Variants in ZNF469 observed in about 807,000 individuals in gnomAD.
The protein encoded by ZNF469 is zinc finger protein 469.
Under a neutral mutation model 1.0 loss-of-function variants are expected in ZNF469, and 1 was observed. The observed-to-expected ratio is 1.00, with a 90% CI of 0.35 to 4.73. ZNF469 has a LOEUF of 4.73. Among genes scored for constraint, ZNF469 ranks in the 30% most tolerant of loss-of-function variants. The pLI is 0.16. For missense variants in ZNF469, 6,100 were observed against 5,356.3 expected (o/e 1.14, Z -4.33); for synonymous variants, 2,703 against 2,363.4 (o/e 1.14, Z -4.17).
chr16:88,142,570 T>G, the ZNF469 span, among the ~76,000 whole-genome samples: 4 of 152,300 alleles, frequency 2.6e-5, no homozygotes, highest in Non-Finnish European at 5.9e-5. Flanking sequence ...AGCGTGAGCC[T>G]CAAGTCTCAG....
chr16:88,281,508 C>T, the ZNF469 span, among the ~76,000 whole-genome samples: 2 of 146,326 alleles, frequency 1.4e-5, no homozygotes, highest in Non-Finnish European at 3.0e-5. Context: ...AATGCTGGGC[C>T]ATGCTGACGC....
At chr16:88,408,471 C>T (rs1002101952) in intron 1 of ZNF469, among the ~76,000 whole-genome samples, 1 of 152,178 alleles carries the variant, frequency 6.6e-6, no homozygotes, top group African/African-American at 2.4e-5. Context: ...CTTTCTGGAA[C>T]AAAGGGAGGG....
the ZNF469 span, among the ~76,000 whole-genome samples, chr16:88,124,845 A>C: frequency 6.6e-6 from 1 of 152,190 alleles, no homozygotes; most frequent in South Asian, 2.1e-4. Flanking sequence ...CAGTGTTCCA[A>C]AGTGCTGGGA....
chr16:88,415,494 C>G lies in ZNF469; in HGVS notation c.-191-9313C>G, dbSNP rs118024928. 4.9e-3 allele frequency among the ~76,000 whole-genome samples: 742 copies of G among 152,348 alleles called. 3 individuals are homozygous for G. Among genetic ancestry groups the G allele is most frequent in the South Asian group, 0.011 (51 of 4,828 alleles). On this transcript the variant is annotated intron_variant, in intron 1 of 2. Coordinates refer to ENST00000565624, the MANE Select transcript of ZNF469 (RefSeq NM_001367624.2). ...GTGCTGTGCCCATTTTACAGCTGAA[C>G]ACACTGAGACTGAGCCCCCAGCCTG...
the ZNF469 span, among the ~76,000 whole-genome samples, chr16:88,222,060 C>T: frequency 6.6e-6 from 1 of 152,134 alleles, no homozygotes; most frequent in Non-Finnish European, 1.5e-5. Flanking sequence ...CACACTCTCA[C>T]ACTTTCTGAG....
At position 88,430,948 on chromosome 16, in the gene ZNF469, G is replaced by T. The variant is rs1011775158; in HGVS notation, c.3478G>T (p.Gly1160Trp). 1 of 1,534,974 alleles carries T rather than the reference G, an allele frequency of 6.5e-7. No homozygotes were observed. The highest frequency in any genetic ancestry group is 8.7e-7 in the Non-Finnish European group (1 of 1,144,712). Reference protein sequence around the residue: ...GAPANPEEPGGSRPGPGRSPQ... With the variant: ...GAPANPEEPGWSRPGPGRSPQ... ...CCCCGCGAACCCCGAGGAGCCGGGC[G>T]GGTCTCGCCCGGGCCCCGGCAGGAG... Residue 1160 changes from glycine to tryptophan, a missense_variant, in exon 3 of 3, where the codon GGG becomes TGG. Gly to Trp is a radical substitution (Grantham distance 184). Transcript: ENST00000565624.
chr16:88,296,753 GTGCACATACA>G, the ZNF469 span, among the ~76,000 whole-genome samples: 1 of 151,386 alleles, frequency 6.6e-6, no homozygotes, highest in Admixed American at 6.6e-5. Flanking sequence ...ACATACACAG[GTGCACATACA>G]TGCACACACA....
the ZNF469 span, among the ~76,000 whole-genome samples, chr16:88,215,534 C>T: frequency 2.0e-5 from 3 of 151,774 alleles, no homozygotes; most frequent in East Asian, 5.8e-4. Flanking sequence ...GGATTACAGG[C>T]ACCCATCACC....
At chr16:88,376,705 C>T in the ZNF469 span, among the ~76,000 whole-genome samples, 2 of 152,260 alleles carry the variant, frequency 1.3e-5, no homozygotes, top group Non-Finnish European at 2.9e-5. Context: ...AGCACATTCA[C>T]TGGGTTACCG....
chr16:88,381,508 C>T (rs1441380429), upstream of ZNF469, among the ~76,000 whole-genome samples: 2 of 152,190 alleles, frequency 1.3e-5, no homozygotes, highest in African/African-American at 4.8e-5. Context: ...AGGAAACGCC[C>T]TCTGGGGTCT....
At chr16:88,318,268 C>T in the ZNF469 span, among the ~76,000 whole-genome samples, 3 of 152,232 alleles carry the variant, frequency 2.0e-5, no homozygotes, top group African/African-American at 7.2e-5. Context: ...ACTGCAAAGC[C>T]CCCAGTGGGC....
chr16:88,335,594 A>G, the ZNF469 span, among the ~76,000 whole-genome samples: 1 of 152,018 alleles, frequency 6.6e-6, no homozygotes, highest in Admixed American at 6.6e-5. Flanking sequence ...CTTTGGCCAC[A>G]CTCCACTGTT....
chr16:88,238,980 G>A, the ZNF469 span, among the ~76,000 whole-genome samples: 1 of 152,236 alleles, frequency 6.6e-6, no homozygotes, highest in Non-Finnish European at 1.5e-5. Context: ...CTTGGTGACT[G>A]TGTGAGGCTG....
chr16:88,224,333 G>A, the ZNF469 span, among the ~76,000 whole-genome samples: 4 of 152,246 alleles, frequency 2.6e-5, no homozygotes. Context: ...CCAGGACACA[G>A]CACCGCGGGG....
In ZNF469 at chr16:88,430,259, G is replaced by A. The variant is rs564654481; in HGVS notation, c.2789G>A (p.Gly930Asp). 1.3e-6 allele frequency: 2 copies of A among 1,522,754 alleles called. No individual in the cohort carries two copies. The highest frequency in any genetic ancestry group is 1.4e-5 in the African/African-American group (1 of 72,550). The allele number at this position is 1,522,754 out of a possible 1,614,324, so 94.3% of individuals were successfully genotyped here. The change falls in exon 3 of 3, where the codon GGT becomes GAT. Residue 930 changes from glycine to aspartate, a missense_variant. Gly to Asp is a moderately conservative substitution (Grantham distance 94, BLOSUM62 -1). Coordinates refer to ENST00000565624, the MANE Select transcript of ZNF469 (RefSeq NM_001367624.2). ...ARGRPKTRSLGLAPTEADAPS... is the reference protein window; with the variant it reads ...ARGRPKTRSLDLAPTEADAPS... ...GGCAGGCCCAAAACGCGTTCCCTGG[G>A]TCTGGCCCCCACCGAGGCGGATGCG...
At chr16:88,301,211 G>C in the ZNF469 span, among the ~76,000 whole-genome samples, 1 of 151,612 alleles carries the variant, frequency 6.6e-6, no homozygotes, top group Admixed American at 6.6e-5. Flanking sequence ...CTAGAGTGCA[G>C]TGGCGCCATC....
the ZNF469 span, among the ~76,000 whole-genome samples, chr16:88,369,526 C>T: frequency 4.2e-3 from 636 of 152,342 alleles, 1 homozygote; most frequent in African/African-American, 0.013. Context: ...ATCATGTCAG[C>T]CCATTGCCCA....
At chr16:88,185,062 G>C in the ZNF469 span, among the ~76,000 whole-genome samples, 125 of 146,106 alleles carry the variant, frequency 8.6e-4, no homozygotes, top group Admixed American at 1.9e-3. Context: ...CCCACGCACA[G>C]ACACTCACAC....
the ZNF469 span, among the ~76,000 whole-genome samples, chr16:88,340,024 G>A: frequency 6.6e-6 from 1 of 152,036 alleles, no homozygotes; most frequent in Non-Finnish European, 1.5e-5. Context: ...CAGGGGACAG[G>A]TGCAATATTT....
Sources: gnomAD v4.1 joint callset for allele counts (sites outside exome capture counted in the v4.1 genomes callset) on GRCh38, gnomAD v4.1.1 for gene constraint, MANE v1.5 for transcripts, NCBI Gene and HGNC (gene_info 2026-07-23, HGNC 2026-07-21) for gene names.